CFAP299: variants seen among roughly 807,000 people sequenced by gnomAD.
The protein encoded by CFAP299 is cilia and flagella associated protein 299.
CFAP299 carries 21 observed loss-of-function variants against 27.0 expected under a neutral mutation model. The ratio of observed to expected loss-of-function variants is 0.78; its 90% CI spans 0.55 to 1.12. The LOEUF (loss-of-function observed/expected upper bound fraction) is 1.12, where lower values mean the gene tolerates loss of function less well. Ranked by LOEUF, CFAP299 falls within the 50% of genes most tolerant of loss-of-function variation. The probability of loss-of-function intolerance (pLI) is 0.00; values close to 1 mark genes in which losing one functional copy is unlikely to be tolerated. For missense variants in CFAP299, 310 were observed against 276.6 expected, an observed-to-expected ratio of 1.12 and a Z score of -0.86; for synonymous variants, 104 against 98.1, an observed-to-expected ratio of 1.06 and a Z score of -0.36.
intron 1 of CFAP299, 74 bp downstream of exon 1, chr4:80,335,953 C>G: frequency 1.1e-6 from 1 of 950,784 alleles, no homozygotes; most frequent in Admixed American, 1.7e-5. Context: ...GCTTCGTGGG[C>G]TGGTCGCCCC....
chr4:80,430,079 A>G (rs1196458555), intron 2 of CFAP299, among the ~76,000 whole-genome samples: 1 of 152,058 alleles, frequency 6.6e-6, no homozygotes, highest in Non-Finnish European at 1.5e-5. Context: ...ACTATACAGT[A>G]TTTTCCATTA....
intron 3 of CFAP299, among the ~76,000 whole-genome samples, chr4:80,825,134 T>C (rs184197042): frequency 7.8e-4 from 118 of 151,536 alleles, no homozygotes; most frequent in African/African-American, 2.7e-3. Flanking sequence ...AATAAAACAT[T>C]TACTAGAGAG....
intron 3 of CFAP299, among the ~76,000 whole-genome samples, chr4:80,642,741 T>A (rs1739792603): frequency 6.6e-6 from 1 of 152,100 alleles, no homozygotes; most frequent in Non-Finnish European, 1.5e-5. Flanking sequence ...TCCAGCCTGG[T>A]GACAGAGCCA....
At chr4:80,413,715 C>T (rs1726844760) in intron 2 of CFAP299, among the ~76,000 whole-genome samples, 1 of 137,422 alleles carries the variant, frequency 7.3e-6, no homozygotes. Flanking sequence ...CTCATGGCCA[C>T]TCATTTCTTC....
At chr4:80,550,526 A>T (rs1483035204) in intron 2 of CFAP299, among the ~76,000 whole-genome samples, 1 of 152,050 alleles carries the variant, frequency 6.6e-6, no homozygotes, top group Non-Finnish European at 1.5e-5. Context: ...TTGGTTGGGT[A>T]ATATCATCTT....
intron 3 of CFAP299, among the ~76,000 whole-genome samples, chr4:80,723,196 T>G (rs188467504): frequency 6.6e-6 from 1 of 152,256 alleles, no homozygotes; most frequent in African/African-American, 2.4e-5. Context: ...TGGTAGTTTT[T>G]AAAAAGGTTA....
chr4:80,770,127 T>C (rs1372630583), intron 3 of CFAP299, among the ~76,000 whole-genome samples: 1 of 152,212 alleles, frequency 6.6e-6, no homozygotes, highest in Admixed American at 6.5e-5. Context: ...TCAAGTCAAG[T>C]GTGCAGCATT....
intron 3 of CFAP299, among the ~76,000 whole-genome samples, chr4:80,849,447 G>A (rs945811946): frequency 1.3e-5 from 2 of 152,174 alleles, no homozygotes; most frequent in Admixed American, 1.3e-4. Context: ...TCCCTGAAAT[G>A]ATGGTTAATT....
At chr4:80,663,981 G>A (rs942473980) in intron 3 of CFAP299, among the ~76,000 whole-genome samples, 50 of 151,964 alleles carry the variant, frequency 3.3e-4, no homozygotes, top group African/African-American at 1.1e-3. Flanking sequence ...TTGATAAGTC[G>A]TTTGTTTTGT....
chr4:80,898,694 T>A (rs981093174), intron 4 of CFAP299, among the ~76,000 whole-genome samples: 3 of 152,038 alleles, frequency 2.0e-5, no homozygotes, highest in Non-Finnish European at 4.4e-5. Context: ...AAAATTAGAT[T>A]TTAATCCTTC....
intron 3 of CFAP299, among the ~76,000 whole-genome samples, chr4:80,693,125 G>A (rs1229421477): frequency 1.3e-5 from 2 of 152,348 alleles, no homozygotes; most frequent in African/African-American, 4.8e-5. Flanking sequence ...AACCACTGTG[G>A]AAGTCAGTGT....
chr4:80,600,332 A>G (rs1737269097), intron 3 of CFAP299, among the ~76,000 whole-genome samples: 1 of 152,088 alleles, frequency 6.6e-6, no homozygotes, highest in Non-Finnish European at 1.5e-5. Flanking sequence ...CCCTTTTGCT[A>G]AATCCTGGAG....
At chr4:80,569,268 G>A (rs532718396) in intron 2 of CFAP299, among the ~76,000 whole-genome samples, 1 of 152,176 alleles carries the variant, frequency 6.6e-6, no homozygotes, top group East Asian at 1.9e-4. Context: ...TGAACAGGGA[G>A]GAATAAAATC....
At chr4:80,499,415 T>G (rs548040977) in intron 2 of CFAP299, among the ~76,000 whole-genome samples, 1 of 152,280 alleles carries the variant, frequency 6.6e-6, no homozygotes, top group South Asian at 2.1e-4. Context: ...AAAATGACTT[T>G]ACTTTTTATA....
intron 2 of CFAP299, among the ~76,000 whole-genome samples, chr4:80,400,110 T>C (rs1445141940): frequency 5.3e-5 from 8 of 152,210 alleles, no homozygotes; most frequent in Non-Finnish European, 1.0e-4. Context: ...TGTCTCTTTA[T>C]GTCTGTATGT....
chr4:80,830,765 A>G (rs1022650687), intron 3 of CFAP299, among the ~76,000 whole-genome samples: 1 of 152,106 alleles, frequency 6.6e-6, no homozygotes, highest in African/African-American at 2.4e-5. Flanking sequence ...TGGCTAGGTC[A>G]GTGGCAACAA....
chr4:80,727,946 A>C (rs1244845355), intron 3 of CFAP299, among the ~76,000 whole-genome samples: 1 of 151,876 alleles, frequency 6.6e-6, no homozygotes, highest in Non-Finnish European at 1.5e-5. Context: ...TAAATATATT[A>C]ATATAAATTA....
chr4:80,595,228 TTGG>T (rs1175021461), intron 3 of CFAP299, among the ~76,000 whole-genome samples: 1 of 152,064 alleles, frequency 6.6e-6, no homozygotes, highest in African/African-American at 2.4e-5. Context: ...TCTGCCAAGA[TTGG>T]TTTCCTTCTT....
chr4:80,753,672 T>G (rs958079057), intron 3 of CFAP299, among the ~76,000 whole-genome samples: 2 of 152,170 alleles, frequency 1.3e-5, no homozygotes, highest in African/African-American at 4.8e-5. Flanking sequence ...GATGCTTTGT[T>G]GTTTATTTTT....
Sources: gnomAD v4.1 joint callset for allele counts (sites outside exome capture counted in the v4.1 genomes callset) on GRCh38, gnomAD v4.1.1 for gene constraint, MANE v1.5 for transcripts, NCBI Gene and HGNC (gene_info 2026-07-23, HGNC 2026-07-21) for gene names.